The following JUP variants were observed in gnomAD, a reference collection of about 807,000 sequenced individuals.
The protein encoded by JUP is junction plakoglobin.
A neutral mutation model predicts 71.1 loss-of-function variants in JUP; 28 were observed. That is an observed-to-expected ratio of 0.39 (90% CI 0.29 to 0.54). The LOEUF (loss-of-function observed/expected upper bound fraction) is 0.54. Ranked by LOEUF, JUP falls within the 20% of genes least tolerant of loss-of-function variation. The probability of loss-of-function intolerance (pLI) is 0.62; values close to 1 mark genes in which losing one functional copy is unlikely to be tolerated. For missense variants in JUP, 869 were observed against 1,030.1 expected (o/e 0.84, Z 2.14); for synonymous variants, 401 against 438.9 (o/e 0.91, Z 1.08).
At chr17:41,758,896 G>A in intron 8 of JUP, 26 bp from the exon 9 acceptor site, 1 of 1,598,018 alleles carries the variant, frequency 6.3e-7, no homozygotes, top group Non-Finnish European at 8.5e-7. Flanking sequence ...GCAGTGATCA[G>A]GGGCACTTCT....
intron 3 of JUP, 30 bp from the exon 4 acceptor site, chr17:41,769,237 G>A (rs375175266): frequency 1.3e-4 from 199 of 1,589,388 alleles, no homozygotes; most frequent in Non-Finnish European, 1.6e-4. Flanking sequence ...GCGGGGACGT[G>A]AGCACTAAGG....
chr17:41,765,192 CTTTTA>C, intron 5 of JUP, 125 bp from the exon 6 acceptor site: 1 of 938,886 alleles, frequency 1.1e-6, no homozygotes, highest in Non-Finnish European at 1.6e-6. Flanking sequence ...TCGTTTTTTT[CTTTTA>C]ATGTATTTTT....
intron 2 of JUP, 82 bp downstream of exon 2, chr17:41,771,565 A>C (rs529626712): frequency 1.5e-6 from 2 of 1,308,456 alleles, no homozygotes; most frequent in Non-Finnish European, 2.2e-6. Flanking sequence ...GACCCCCTAC[A>C]ATCTGCCTCC....
chr17:41,778,427 C>T (rs2046987035), intron 1 of JUP, among the ~76,000 whole-genome samples: 1 of 151,906 alleles, frequency 6.6e-6, no homozygotes, highest in Non-Finnish European at 1.5e-5. Flanking sequence ...ATTAGCCGGG[C>T]GTGGTGGCAT....
intron 1 of JUP, chr17:41,772,833 T>A: frequency 2.0e-6 from 2 of 985,298 alleles, no homozygotes; most frequent in Non-Finnish European, 2.4e-6. Context: ...GGTTAATGAG[T>A]AGCAGGGCCG....
chr17:41,767,958 C>T (rs1915984622), intron 4 of JUP, among the ~76,000 whole-genome samples: 1 of 152,188 alleles, frequency 6.6e-6, no homozygotes. Flanking sequence ...GAGCTTCCAG[C>T]CTGGTATGGG....
At position 41,769,212 on chromosome 17, in the gene JUP, A is replaced by AG; in HGVS notation, c.469-6dup. 1 of 1,599,702 alleles carries AG rather than the reference A, an allele frequency of 6.3e-7. No individual in the cohort carries two copies. The highest frequency in any genetic ancestry group is 8.5e-7 in the Non-Finnish European group (1 of 1,179,616). The stretch of plus-strand genomic sequence containing the variant: ...GGCCGCCTTGGTCACCACCACCTGG[A>AG]GGGCAAAGGCAGGGGCGGGGACGTG... On this transcript the variant is annotated splice_region_variant and splice_polypyrimidine_tract_variant and intron_variant, in intron 3 of 13. Coordinates refer to ENST00000393931, the MANE Select transcript of JUP (RefSeq NM_002230.4).
chr17:41,768,166 A>T (rs1384996516), intron 4 of JUP, among the ~76,000 whole-genome samples: 1 of 152,152 alleles, frequency 6.6e-6, no homozygotes, highest in East Asian at 1.9e-4. Context: ...TGGGAGGCCA[A>T]GGGGGGCAGA....
Position 41,769,665 on chromosome 17 carries a change from T to G in JUP, c.221A>C (p.Tyr74Ser). 1 of 1,608,872 alleles carries G rather than the reference T, an allele frequency of 6.2e-7. No homozygotes were observed. The highest frequency in any genetic ancestry group is 8.5e-7 in the Non-Finnish European group (1 of 1,178,506). The change falls in exon 3 of 14, where the codon TAC (tyrosine) becomes TCC (serine). Residue 74 changes from tyrosine (Y) to serine (S), a missense_variant. Transcript: ENST00000393931. ...GVPPSQGDLE[Y>S]QMSTTARAKR... ...GGCCCTGGCTGTTGTGGACATCTGG[T>G]ACTCCAGATCACCTGGGGGCCATGG...
At chr17:41,770,426 C>G (rs1555606371) in intron 2 of JUP, among the ~76,000 whole-genome samples, 1 of 152,182 alleles carries the variant, frequency 6.6e-6, no homozygotes, top group Non-Finnish European at 1.5e-5. Context: ...CGCAGAGGTT[C>G]CACCCTCTAA....
Position 41,764,731 on chromosome 17 carries a change from T to C in JUP, c.1140A>G (p.Ser380=). The C allele has an allele frequency of 6.2e-7, 1 of 1,612,500 alleles. No homozygotes were observed. Among genetic ancestry groups the C allele is most frequent in the Non-Finnish European group, 8.5e-7 (1 of 1,179,608 alleles). ...CCCTCACCTGCTTGGTGGCCACATC[T>C]GAGAGGTTGCGCAGGGTCCACAGGC... ...QNCLWTLRNL[S]DVATKQEGLE... is the part of the protein sequence containing the mutation. The change falls in exon 7 of 14, where the codon TCA becomes TCG. Residue 380 remains serine (S), a synonymous_variant. Coordinates refer to ENST00000393931, the MANE Select transcript of JUP (RefSeq NM_002230.4).
chr17:41,775,400 C>A (rs925951582), intron 1 of JUP, among the ~76,000 whole-genome samples: 1 of 152,210 alleles, frequency 6.6e-6, no homozygotes, highest in Non-Finnish European at 1.5e-5. Flanking sequence ...CAGCCCCACC[C>A]TTCTCCTTAC....
chr17:41,771,948 T>C, intron 1 of JUP, 86 bp from the exon 2 acceptor site: 1 of 1,103,104 alleles, frequency 9.1e-7, no homozygotes. Flanking sequence ...CCCGCCTGTC[T>C]TCCCACATCA....
At chr17:41,763,409 T>C in intron 7 of JUP, 88 bp from the exon 8 acceptor site, 1 of 952,172 alleles carries the variant, frequency 1.1e-6, no homozygotes, top group South Asian at 1.4e-5. Flanking sequence ...TGGGATGACC[T>C]AAAGGGGTCA....
At chr17:41,774,532 C>T (rs1220750311) in intron 1 of JUP, among the ~76,000 whole-genome samples, 1 of 151,984 alleles carries the variant, frequency 6.6e-6, no homozygotes, top group Non-Finnish European at 1.5e-5. Context: ...CCGGGTTTCC[C>T]CATGTTGGCC....
intron 1 of JUP, chr17:41,772,076 C>G: frequency 1.5e-6 from 1 of 646,156 alleles, no homozygotes; most frequent in South Asian, 1.7e-5. Flanking sequence ...GCAGTGAGCC[C>G]CAGGGGTGCG....
intron 2 of JUP, among the ~76,000 whole-genome samples, chr17:41,770,944 G>A (rs567657162): frequency 3.3e-5 from 5 of 152,236 alleles, no homozygotes; most frequent in Admixed American, 6.5e-5. Context: ...TCCCACAAAC[G>A]TGAGGCTCCT....
At chr17:41,782,047 AG>A (rs1567834184) in intron 1 of JUP, among the ~76,000 whole-genome samples, 1 of 152,206 alleles carries the variant, frequency 6.6e-6, no homozygotes, top group East Asian at 1.9e-4. Flanking sequence ...GCCTGCCCTC[AG>A]GGAATCCAGA....
At chr17:41,762,176 A>AGTGAGTGT (rs1914989727) in intron 8 of JUP, among the ~76,000 whole-genome samples, 1 of 44,802 alleles carries the variant, frequency 2.2e-5, no homozygotes, top group African/African-American at 1.1e-4. Context: ...AGAGAGAGAG[A>AGTGAGTGT]GTGTGTGTGT....
Sources: gnomAD v4.1 joint callset for allele counts (sites outside exome capture counted in the v4.1 genomes callset) on GRCh38, gnomAD v4.1.1 for gene constraint, MANE v1.5 for transcripts, NCBI Gene and HGNC (gene_info 2026-07-23, HGNC 2026-07-21) for gene names.